ERC1: variants seen among roughly 807,000 people sequenced by gnomAD.
The protein encoded by ERC1 is RAB6 interacting protein 2.
In ERC1, 56 loss-of-function variants were observed where a neutral mutation model predicts 132.0. The observed-to-expected ratio is 0.42, with a 90% CI of 0.34 to 0.53. The LOEUF (loss-of-function observed/expected upper bound fraction) is 0.53. Ranked by LOEUF, ERC1 falls within the 20% of genes least tolerant of loss-of-function variation. The probability of loss-of-function intolerance (pLI) is 0.03; values close to 1 mark genes in which losing one functional copy is unlikely to be tolerated. For missense variants in ERC1, 1,202 were observed against 1,349.9 expected (o/e 0.89, Z 1.72); for synonymous variants, 478 against 476.1 (o/e 1.00, Z -0.05).
chr12:1,189,837 A>T, intron 11 of ERC1, 22 bp from the exon 12 acceptor site: 1 of 1,575,746 alleles, frequency 6.3e-7, no homozygotes, highest in East Asian at 2.2e-5. Context: ...ATCTGATAGG[A>T]TTGAAATGCT....
chr12:1,355,486 A>C (rs1241960347), intron 15 of ERC1, among the ~76,000 whole-genome samples: 2 of 152,210 alleles, frequency 1.3e-5, no homozygotes, highest in Non-Finnish European at 2.9e-5. Context: ...TAAGTTCTGC[A>C]GCAGTGCTGT....
intron 12 of ERC1, among the ~76,000 whole-genome samples, chr12:1,218,819 C>CAT (rs369422257): frequency 0.023 from 3,376 of 148,300 alleles, 67 homozygotes; most frequent in African/African-American, 0.061. Context: ...GTCCTATTCT[C>CAT]ATATATATAT....
At chr12:1,275,764 A>G (rs1465376660) in intron 14 of ERC1, among the ~76,000 whole-genome samples, 1 of 152,172 alleles carries the variant, frequency 6.6e-6, no homozygotes, top group African/African-American at 2.4e-5. Context: ...ATTTATAAAG[A>G]AAAGGAGTTT....
chr12:996,646 A>G (rs1478290588), intron 1 of ERC1, among the ~76,000 whole-genome samples: 3 of 152,164 alleles, frequency 2.0e-5, no homozygotes, highest in Admixed American at 1.3e-4. Flanking sequence ...TGGGAGTGCT[A>G]AGGAAAGGCA....
At chr12:1,275,184 C>G (rs1248881106) in intron 14 of ERC1, among the ~76,000 whole-genome samples, 1 of 152,088 alleles carries the variant, frequency 6.6e-6, no homozygotes, top group Middle Eastern at 3.2e-3. Flanking sequence ...GACTTATTTC[C>G]TGTTTTAAAA....
At chr12:1,204,462 T>C (rs1435403000) in intron 12 of ERC1, 5 of 1,551,586 alleles carry the variant, frequency 3.2e-6, no homozygotes, top group African/African-American at 2.7e-5. Flanking sequence ...TCTAACTTTC[T>C]TTTTCACATT....
intron 18 of ERC1, chr12:1,480,777 T>C: frequency 1.4e-6 from 1 of 700,724 alleles, no homozygotes; most frequent in East Asian, 2.7e-5. Flanking sequence ...AGCAAGAATA[T>C]CTCGAGTAAT....
At chr12:1,015,227 G>A (rs868688498) in intron 1 of ERC1, among the ~76,000 whole-genome samples, 2 of 151,686 alleles carry the variant, frequency 1.3e-5, no homozygotes, top group Non-Finnish European at 2.9e-5. Context: ...GCCCAGGTAA[G>A]TTTTGTATTT....
chr12:1,248,578 A>G (rs2076289673), intron 13 of ERC1, among the ~76,000 whole-genome samples: 1 of 152,234 alleles, frequency 6.6e-6, no homozygotes, highest in African/African-American at 2.4e-5. Context: ...GGGTCAGGTC[A>G]AAAGGGACCT....
chr12:1,313,526 A>G (rs975936723), intron 15 of ERC1, among the ~76,000 whole-genome samples: 13 of 152,180 alleles, frequency 8.5e-5, no homozygotes, highest in Admixed American at 2.0e-4. Flanking sequence ...CAAGGCTAGA[A>G]TAAGACCTTT....
At chr12:1,228,729 T>C (rs1010226753) in intron 12 of ERC1, among the ~76,000 whole-genome samples, 2 of 152,178 alleles carry the variant, frequency 1.3e-5, no homozygotes, top group African/African-American at 4.8e-5. Flanking sequence ...TTATTGAGAG[T>C]CTTTATCATG....
chr12:1,478,731 G>A (rs1429021385), intron 18 of ERC1, among the ~76,000 whole-genome samples: 1 of 151,794 alleles, frequency 6.6e-6, no homozygotes, highest in Non-Finnish European at 1.5e-5. Context: ...GGAGCTTGCA[G>A]TGAGCCAAGA....
In ERC1 at chr12:1,112,205, G is replaced by A. The variant is rs766461834; in HGVS notation, c.1318-10G>A. On this transcript the variant is annotated splice_polypyrimidine_tract_variant and intron_variant, in intron 5 of 18. Coordinates refer to ENST00000360905, the MANE Select transcript of ERC1 (RefSeq NM_178040.4). ...CACATAAGTGAAAAAGAATAATAAT[G>A]TCGTGACAGGTAGAACAACTGAAGG... The A allele has an allele frequency of 8.1e-6, 13 of 1,596,520 alleles. No individual in the cohort carries two copies. In the South Asian group the frequency reaches 9.9e-5, roughly 12 times the overall value.
chr12:1,266,668 G>A (rs1300633209), intron 14 of ERC1, among the ~76,000 whole-genome samples: 1 of 152,050 alleles, frequency 6.6e-6, no homozygotes, highest in Non-Finnish European at 1.5e-5. Flanking sequence ...GCCTCTGAAA[G>A]TGCTGGGATT....
At chr12:1,375,476 G>A (rs1349811423) in intron 16 of ERC1, among the ~76,000 whole-genome samples, 1 of 152,196 alleles carries the variant, frequency 6.6e-6, no homozygotes, top group African/African-American at 2.4e-5. Context: ...TCTGTAGAAG[G>A]TAATCCTGGC....
At chr12:1,172,424 C>T (rs562300507) in intron 8 of ERC1, among the ~76,000 whole-genome samples, 15 of 152,306 alleles carry the variant, frequency 9.8e-5, no homozygotes, top group African/African-American at 3.6e-4. Context: ...GCAGTGATTA[C>T]ACTGTCACAC....
chr12:999,300 A>G (rs1961654031), intron 1 of ERC1, among the ~76,000 whole-genome samples: 1 of 151,996 alleles, frequency 6.6e-6, no homozygotes, highest in African/African-American at 2.4e-5. Context: ...CTCTCTCCTG[A>G]GTCTGAGGAC....
intron 12 of ERC1, among the ~76,000 whole-genome samples, chr12:1,227,020 A>G (rs779794041): frequency 6.6e-6 from 1 of 152,144 alleles, no homozygotes; most frequent in Non-Finnish European, 1.5e-5. Context: ...TTGATTATAT[A>G]TGCCACATTT....
intron 15 of ERC1, among the ~76,000 whole-genome samples, chr12:1,309,534 C>T (rs1176741331): frequency 6.6e-6 from 1 of 152,122 alleles, no homozygotes; most frequent in Non-Finnish European, 1.5e-5. Flanking sequence ...TCTTCACCCA[C>T]CTGTGGAGAG....
Sources: gnomAD v4.1 joint callset for allele counts (sites outside exome capture counted in the v4.1 genomes callset) on GRCh38, gnomAD v4.1.1 for gene constraint, MANE v1.5 for transcripts, NCBI Gene and HGNC (gene_info 2026-07-23, HGNC 2026-07-21) for gene names.